ZNF90: variants seen among roughly 807,000 people sequenced by gnomAD.
ZNF90 encodes the protein zinc finger protein 90.
ZNF90 carries 11 observed loss-of-function variants against 12.0 expected under a neutral mutation model. The observed-to-expected ratio is 0.92, with a 90% CI of 0.58 to 1.52. ZNF90 has a LOEUF of 1.52. ZNF90 is among the 40% of genes most tolerant of loss of function. The probability of loss-of-function intolerance (pLI) is 0.00; values close to 1 mark genes in which losing one functional copy is unlikely to be tolerated. For missense variants in ZNF90, 765 were observed against 711.5 expected, an observed-to-expected ratio of 1.08 and a Z score of -0.86; for synonymous variants, 232 against 240.1, an observed-to-expected ratio of 0.97 and a Z score of 0.31.
chr19:20,100,892 C>G (rs536149840), intron 1 of ZNF90, among the ~76,000 whole-genome samples: 1 of 152,288 alleles, frequency 6.6e-6, no homozygotes, highest in African/African-American at 2.4e-5. Context: ...AATCATGTAT[C>G]ACCTGAGAGC....
chr19:20,113,667 AAATAC>A (rs1172252663), intron 3 of ZNF90, among the ~76,000 whole-genome samples: 11 of 152,068 alleles, frequency 7.2e-5, no homozygotes, highest in African/African-American at 2.6e-4. Context: ...TCTGTACTAA[AAATAC>A]AAAAAATTCG....
Position 20,104,253 on chromosome 19 carries a change from T to G in ZNF90, c.18T>G (p.Phe6Leu). Residue 6 changes from phenylalanine to leucine, a missense_variant, in exon 2 of 4, where the codon TTT becomes TTG. Transcript: ENST00000418063. MGPLE[F>L]RDVAIEFSLE... Reference sequence around the variant, plus strand: ...GTGTTTTTCAGGGACCATTGGAATTTAGAGATGTGGCCATAGAATTCTCTC... The same window carrying G: ...GTGTTTTTCAGGGACCATTGGAATTGAGAGATGTGGCCATAGAATTCTCTC... 1.2e-6 allele frequency: 2 copies of G among 1,614,046 alleles called. No homozygotes were observed. Among genetic ancestry groups the G allele is most frequent in the Non-Finnish European group, 1.7e-6 (2 of 1,179,934 alleles).
intron 1 of ZNF90, among the ~76,000 whole-genome samples, chr19:20,093,996 G>A (rs1428932624): frequency 6.6e-6 from 1 of 152,230 alleles, no homozygotes; most frequent in African/African-American, 2.4e-5. Context: ...GATTTGCAGT[G>A]AGTCCCTGCA....
intron 1 of ZNF90, chr19:20,079,927 C>T: frequency 2.4e-6 from 1 of 409,536 alleles, no homozygotes; most frequent in Non-Finnish European, 4.7e-6. Flanking sequence ...TTCCTTTCAT[C>T]GTATTTCCTC....
chr19:20,113,169 C>T (rs538580372), intron 3 of ZNF90, among the ~76,000 whole-genome samples: 11 of 151,606 alleles, frequency 7.3e-5, no homozygotes, highest in East Asian at 1.9e-4. Flanking sequence ...TTTGTTGTAA[C>T]GGTTTTTTAT....
At chr19:20,079,363 T>A (rs755563252) in intron 1 of ZNF90, among the ~76,000 whole-genome samples, 14 of 151,130 alleles carry the variant, frequency 9.3e-5, no homozygotes, top group Non-Finnish European at 1.5e-5. Context: ...AAGATTAAGA[T>A]GAAAGGAAAC....
intron 1 of ZNF90, among the ~76,000 whole-genome samples, chr19:20,088,825 A>G (rs988322167): frequency 1.3e-5 from 2 of 152,226 alleles, no homozygotes; most frequent in African/African-American, 2.4e-5. Context: ...CTGCTATTCC[A>G]GTACCAAGAG....
Position 20,119,443 on chromosome 19 carries a change from T to A in ZNF90, c.*83T>A. On this transcript the variant is annotated 3_prime_UTR_variant, in exon 4 of 4. Coordinates refer to ENST00000418063, the MANE Select transcript of ZNF90 (RefSeq NM_007138.2). Reference sequence around the variant, plus strand: ...AATGTGATGACTGTTGGAAAGCCTTTGACCACCCCTCTACTCTTACTAAAT... The same window carrying A: ...AATGTGATGACTGTTGGAAAGCCTTAGACCACCCCTCTACTCTTACTAAAT... 1 of 1,185,582 alleles carries A rather than the reference T, an allele frequency of 8.4e-7. No individual in the cohort carries two copies. The highest frequency in any genetic ancestry group is 1.6e-5 in the South Asian group (1 of 63,256). 73.4% of individuals were successfully genotyped at this position (1,185,582 alleles called of 1,614,324 possible).
intron 3 of ZNF90, among the ~76,000 whole-genome samples, chr19:20,115,102 T>G (rs2089125417): frequency 6.6e-6 from 1 of 152,160 alleles, no homozygotes; most frequent in South Asian, 2.1e-4. Flanking sequence ...TGACTTAAGA[T>G]GTAGCTTGTG....
intron 1 of ZNF90, among the ~76,000 whole-genome samples, chr19:20,083,362 T>G (rs1309006757): frequency 6.6e-6 from 1 of 152,116 alleles, no homozygotes; most frequent in Non-Finnish European, 1.5e-5. Context: ...AGTTTTGCTC[T>G]TGTTGCCCAG....
chr19:20,078,923 C>T (rs896983690), intron 1 of ZNF90, among the ~76,000 whole-genome samples: 2 of 151,934 alleles, frequency 1.3e-5, no homozygotes, highest in Non-Finnish European at 2.9e-5. Flanking sequence ...ATTTCTAGAC[C>T]AGCCTATCCA....
rs60512153 is a variant in ZNF90, at chr19:20,080,306, C to G, written c.3+2171C>G. On this transcript the variant is annotated intron_variant, in intron 1 of 3. Transcript: ENST00000418063. The stretch of plus-strand genomic sequence containing the variant: ...TTAGATGTATTGTAGACAACATGGA[C>G]GATCCTTGTTTTACCAGTACAACAC... 2,898 of 542,758 alleles carry G rather than the reference C, an allele frequency of 5.3e-3. 67 individuals carry two copies. Among genetic ancestry groups the G allele is most frequent in the African/African-American group, 0.051 (2,618 of 51,816 alleles). 33.6% of individuals were successfully genotyped at this position (542,758 alleles called of 1,614,324 possible).
chr19:20,093,520 G>T (rs1555702950), intron 1 of ZNF90, among the ~76,000 whole-genome samples: 1 of 152,116 alleles, frequency 6.6e-6, no homozygotes. Context: ...TGGGGAGAAG[G>T]GCGGCAATGA....
chr19:20,094,276 T>C (rs2088925202), intron 1 of ZNF90, among the ~76,000 whole-genome samples: 1 of 152,230 alleles, frequency 6.6e-6, no homozygotes, highest in African/African-American at 2.4e-5. Flanking sequence ...GGTTGATTAA[T>C]TCCTGTTGTG....
intron 3 of ZNF90, among the ~76,000 whole-genome samples, chr19:20,110,145 G>A (rs1599651908): frequency 6.6e-6 from 1 of 152,122 alleles, no homozygotes; most frequent in Admixed American, 6.5e-5. Flanking sequence ...ATATTCCATT[G>A]TATGTATATG....
rs1026627598 is a variant in ZNF90 at position 20,120,614 on chromosome 19, A to T, written c.*1254A>T. Among the ~76,000 whole-genome samples the T allele has an allele frequency of 6.6e-6, 1 of 152,234 alleles. No homozygotes were observed. Among genetic ancestry groups the T allele is most frequent in the Non-Finnish European group, 1.5e-5 (1 of 68,030 alleles). On this transcript the variant is annotated 3_prime_UTR_variant, in exon 4 of 4. Coordinates refer to ENST00000418063, the MANE Select transcript of ZNF90 (RefSeq NM_007138.2). ...AAATATAAAAAATATTTAATTCAAA[A>T]TGAATTCCATGTAAATATCAGAGAA...
intron 1 of ZNF90, among the ~76,000 whole-genome samples, chr19:20,090,975 C>G (rs1251677056): frequency 6.6e-6 from 1 of 152,032 alleles, no homozygotes; most frequent in Non-Finnish European, 1.5e-5. Context: ...ATACCAAGAG[C>G]CTGAGAAACT....
At chr19:20,113,719 T>A (rs1186244554) in intron 3 of ZNF90, among the ~76,000 whole-genome samples, 1 of 151,892 alleles carries the variant, frequency 6.6e-6, no homozygotes, top group South Asian at 2.1e-4. Flanking sequence ...TCCCAGCTAC[T>A]AGGGAGGCTG....
At chr19:20,099,388 C>T (rs782374227) in intron 1 of ZNF90, among the ~76,000 whole-genome samples, 1 of 152,218 alleles carries the variant, frequency 6.6e-6, no homozygotes, top group Non-Finnish European at 1.5e-5. Context: ...CCAGAAGAGT[C>T]TCCCTATCAA....
Sources: allele counts gnomAD v4.1 joint callset (sites outside exome capture counted in the v4.1 genomes callset), GRCh38; gene constraint gnomAD v4.1.1; transcripts MANE v1.5; gene names NCBI Gene and HGNC (gene_info 2026-07-23, HGNC 2026-07-21).